IL23R: variants seen among roughly 807,000 people sequenced by gnomAD.
The protein encoded by IL23R is interleukin-23 receptor.
In IL23R, 34 loss-of-function variants were observed where a neutral mutation model predicts 56.9. The observed-to-expected ratio is 0.60, with a 90% CI of 0.45 to 0.80. The LOEUF (loss-of-function observed/expected upper bound fraction) is 0.80, where lower values mean the gene tolerates loss of function less well. IL23R is among the 30% of genes least tolerant of loss of function. IL23R has a pLI of 0.00. For synonymous variants in IL23R, 230 were observed against 249.2 expected (o/e 0.92, Z 0.73); for missense variants, 635 against 730.0 (o/e 0.87, Z 1.50).
intron 4 of IL23R, among the ~76,000 whole-genome samples, chr1:67,186,910 C>T (rs532510504): frequency 2.4e-4 from 37 of 152,258 alleles, no homozygotes; most frequent in Non-Finnish European, 3.2e-4. Flanking sequence ...CATAAGCCAA[C>T]GCGCCTGGCC....
intron 3 of IL23R, among the ~76,000 whole-genome samples, chr1:67,170,900 G>T (rs151223705): frequency 7.9e-5 from 12 of 152,294 alleles, no homozygotes; most frequent in Admixed American, 2.6e-4. Flanking sequence ...GATCTTGCAA[G>T]CTTTTCAAGA....
chr1:67,219,834 G>T, intron 7 of IL23R, 104 bp downstream of exon 7: 1 of 1,111,868 alleles, frequency 9.0e-7, no homozygotes, highest in Non-Finnish European at 1.4e-6. Flanking sequence ...GAGAGGCCAA[G>T]GCAGGAAGAT....
intron 4 of IL23R, among the ~76,000 whole-genome samples, chr1:67,189,007 T>C (rs1647552529): frequency 6.6e-6 from 1 of 152,116 alleles, no homozygotes; most frequent in Non-Finnish European, 1.5e-5. Flanking sequence ...AATATTAATG[T>C]AAAGCCATAA....
downstream of IL23R, among the ~76,000 whole-genome samples, chr1:67,263,794 G>A (rs1570939384): frequency 6.6e-6 from 1 of 151,954 alleles, no homozygotes; most frequent in East Asian, 1.9e-4. Flanking sequence ...AACCCAGGAG[G>A]TGGAGGTTGC....
intron 9 of IL23R, among the ~76,000 whole-genome samples, chr1:67,250,456 G>A (rs1282382209): frequency 6.6e-6 from 1 of 151,980 alleles, no homozygotes; most frequent in African/African-American, 2.4e-5. Context: ...ATGTCCCCAG[G>A]CCTTATTGAG....
Position 67,218,358 on chromosome 1 carries a change from G to GTATATA in IL23R, c.799-1206_799-1201dup, listed in dbSNP as rs1270428311. Among the ~76,000 whole-genome samples, 528 of 137,836 alleles carry GTATATA rather than the reference G, an allele frequency of 3.8e-3. 4 individuals carry two copies. The highest frequency in any genetic ancestry group is 0.014 in the African/African-American group (505 of 36,250). The allele number at this position is 137,836 out of a possible 152,430, so 90.4% of individuals were successfully genotyped here. On this transcript the variant is annotated intron_variant, in intron 6 of 10. Transcript: ENST00000347310. ...TGTGTGTGTGTGTGTGTGTGTGTGTGTATATATATATATATGTATGTATTA... is the reference window on the plus strand; with the variant it reads ...TGTGTGTGTGTGTGTGTGTGTGTGTGTATATATATATATATATATATGTATGTATTA...
chr1:67,236,902 C>T, intron 8 of IL23R, 100 bp downstream of exon 8: 1 of 776,170 alleles, frequency 1.3e-6, no homozygotes, highest in Non-Finnish European at 2.3e-6. Flanking sequence ...AGTTTCTGGA[C>T]AATAAGATAT....
At chr1:67,253,815 A>G (rs1251097151) in intron 9 of IL23R, among the ~76,000 whole-genome samples, 2 of 152,202 alleles carry the variant, frequency 1.3e-5, no homozygotes, top group Non-Finnish European at 2.9e-5. Context: ...AAGTTTAAGT[A>G]ACACTAAGTT....
chr1:67,145,547 TC>T (rs1460621695), intron 1 of IL23R, among the ~76,000 whole-genome samples: 1 of 152,202 alleles, frequency 6.6e-6, no homozygotes, highest in Non-Finnish European at 1.5e-5. Context: ...TGCTGTTTGT[TC>T]CCATGTCTAT....
intron 4 of IL23R, among the ~76,000 whole-genome samples, chr1:67,191,878 C>T (rs576824465): frequency 1.1e-3 from 162 of 152,298 alleles, no homozygotes; most frequent in African/African-American, 3.3e-3. Context: ...CTCCTCCCAC[C>T]TTCCTGGAAA....
chr1:67,197,154 GA>G lies in IL23R; in HGVS notation c.492-3582del, dbSNP rs528421182. On this transcript the variant is annotated intron_variant, in intron 4 of 10. Coordinates refer to ENST00000347310, the MANE Select transcript of IL23R (RefSeq NM_144701.3). ...AAACCCAGGTGGAAGGCTGGAGGGG[GA>G]CATGCCACTAAGTAGGTGTGAGAGA... Among the ~76,000 whole-genome samples, 599 of 152,266 alleles carry G rather than the reference GA, an allele frequency of 3.9e-3. 4 individuals carry two copies. The highest frequency in any genetic ancestry group is 0.014 in the African/African-American group (569 of 41,548).
chr1:67,247,559 C>T (rs893117822), intron 9 of IL23R, among the ~76,000 whole-genome samples: 1 of 152,184 alleles, frequency 6.6e-6, no homozygotes, highest in African/African-American at 2.4e-5. Flanking sequence ...CCACCTTGGC[C>T]TCCCAAAGTG....
At position 67,217,097 on chromosome 1, in the gene IL23R, TC is replaced by T. The variant is rs139512093; in HGVS notation, c.799-2476del. 6.7e-3 allele frequency among the ~76,000 whole-genome samples: 1,018 copies of T among 152,292 alleles called. 15 individuals are homozygous for T. Among genetic ancestry groups the T allele is most frequent in the African/African-American group, 0.023 (970 of 41,562 alleles). On this transcript the variant is annotated intron_variant, in intron 6 of 10. Transcript: ENST00000347310. ...AACTCTAACTAGGTTGGAGATTTTT[TC>T]TTCCCTCCACCCAAGGATGTTCCCA...
chr1:67,138,775 G>C (rs1646606905), upstream of IL23R: 1 of 152,304 alleles, frequency 6.6e-6, no homozygotes, highest in Non-Finnish European at 1.5e-5. Flanking sequence ...TTTTCATGCT[G>C]TTCCCTCAGC....
intron 9 of IL23R, among the ~76,000 whole-genome samples, chr1:67,245,770 C>CT (rs1051804256): frequency 1.6e-4 from 25 of 151,952 alleles, no homozygotes; most frequent in Non-Finnish European, 1.9e-4. Flanking sequence ...CTAAAATTTT[C>CT]TTTTTTTTGT....
intron 1 of IL23R, among the ~76,000 whole-genome samples, chr1:67,158,287 A>G (rs1646787738): frequency 6.6e-6 from 1 of 152,164 alleles, no homozygotes; most frequent in Non-Finnish European, 1.5e-5. Flanking sequence ...TGAGCCCCCA[A>G]ACTGGGGTTT....
At chr1:67,262,134 A>G (rs1653219580), downstream of IL23R, among the ~76,000 whole-genome samples, 1 of 152,244 alleles carries the variant, frequency 6.6e-6, no homozygotes, top group Non-Finnish European at 1.5e-5. Context: ...CTTGTATTCA[A>G]GAAGGATTCA....
intron 9 of IL23R, among the ~76,000 whole-genome samples, chr1:67,250,057 T>C (rs1375558228): frequency 2.0e-5 from 3 of 152,240 alleles, no homozygotes; most frequent in African/African-American, 7.2e-5. Flanking sequence ...TATTTTAATC[T>C]AATTTAAAAC....
At chr1:67,190,445 C>CA (rs56249144) in intron 4 of IL23R, among the ~76,000 whole-genome samples, 84,703 of 145,164 alleles carry the variant, frequency 0.58, 24,740 homozygotes, top group East Asian at 0.67. Context: ...AAAAAAAAAC[C>CA]AAAAAAAAAA....
Sources: gnomAD v4.1 joint callset for allele counts (sites outside exome capture counted in the v4.1 genomes callset) on GRCh38, gnomAD v4.1.1 for gene constraint, MANE v1.5 for transcripts, NCBI Gene and HGNC (gene_info 2026-07-23, HGNC 2026-07-21) for gene names.